Variants in CRADD observed in about 807,000 individuals in gnomAD.
The protein encoded by CRADD is death domain-containing protein CRADD.
Under a neutral mutation model 15.5 loss-of-function variants are expected in CRADD, and 9 were observed. That is an observed-to-expected ratio of 0.58 (90% CI 0.35 to 1.01). CRADD has a LOEUF of 1.01. Ranked by LOEUF, CRADD falls within the 50% of genes least tolerant of loss-of-function variation. The pLI, the probability that CRADD is intolerant of heterozygous loss-of-function variation, is 0.02. For synonymous variants in CRADD, 118 were observed against 107.6 expected, an observed-to-expected ratio of 1.10 and a Z score of -0.60; for missense variants, 227 against 250.3, an observed-to-expected ratio of 0.91 and a Z score of 0.63.
intron 2 of CRADD, among the ~76,000 whole-genome samples, chr12:93,789,856 A>G (rs753556283): frequency 1.3e-5 from 2 of 152,218 alleles, no homozygotes; most frequent in Non-Finnish European, 2.9e-5. Flanking sequence ...AGCTTCTAGA[A>G]AGGAAAATCA....
downstream of CRADD, among the ~76,000 whole-genome samples, chr12:93,854,435 T>C (rs572296442): frequency 6.6e-6 from 1 of 152,350 alleles, no homozygotes; most frequent in East Asian, 1.9e-4. Flanking sequence ...TTCAAGCCTC[T>C]GTTTGCATCC....
At chr12:93,853,293 A>G (rs147755238), downstream of CRADD, among the ~76,000 whole-genome samples, 68 of 152,318 alleles carry the variant, frequency 4.5e-4, no homozygotes, top group East Asian at 0.01. Flanking sequence ...TTTCAATTTT[A>G]TTACAAGAAT....
At chr12:93,814,408 C>A (rs184272533) in intron 2 of CRADD, among the ~76,000 whole-genome samples, 1 of 152,144 alleles carries the variant, frequency 6.6e-6, no homozygotes, top group Non-Finnish European at 1.5e-5. Flanking sequence ...CCCCAGAGTA[C>A]ACAAGGTTCA....
chr12:93,747,245 G>A (rs1956766695), intron 2 of CRADD, among the ~76,000 whole-genome samples: 1 of 152,122 alleles, frequency 6.6e-6, no homozygotes, highest in Non-Finnish European at 1.5e-5. Flanking sequence ...TTTCCATCAG[G>A]CTGGAGTCAG....
At chr12:93,841,979 C>T (rs1958052849) in intron 2 of CRADD, among the ~76,000 whole-genome samples, 1 of 152,178 alleles carries the variant, frequency 6.6e-6, no homozygotes, top group African/African-American at 2.4e-5. Flanking sequence ...CCATGACCAA[C>T]CCAGTCACCG....
chr12:93,829,653 G>A lies in CRADD; in HGVS notation c.299-20317G>A, dbSNP rs541986835. ...ATGGGCTCTTTTATTTGCTTTTAGG[G>A]TCAGCTCTTTCATCAGCTCCCTAAA... On this transcript the variant is annotated intron_variant, in intron 2 of 2. Coordinates refer to ENST00000332896, the MANE Select transcript of CRADD (RefSeq NM_003805.5). Among the ~76,000 whole-genome samples, 67 of 152,132 alleles carry A rather than the reference G, an allele frequency of 4.4e-4. 1 individual carries two copies. The highest frequency in any genetic ancestry group is 2.2e-4 in the Non-Finnish European group (15 of 67,986).
intron 2 of CRADD, among the ~76,000 whole-genome samples, chr12:93,785,458 G>T (rs1473726013): frequency 1.3e-5 from 2 of 152,134 alleles, no homozygotes; most frequent in Non-Finnish European, 2.9e-5. Flanking sequence ...TGGCCTATGG[G>T]TTAGAAGTCA....
downstream of CRADD, among the ~76,000 whole-genome samples, chr12:93,855,610 A>G (rs6538456): frequency 0.27 from 41,207 of 151,746 alleles, 5,717 homozygotes; most frequent in East Asian, 0.45. Flanking sequence ...AAATAATAAC[A>G]CTGTATCTAA....
chr12:93,865,512 C>T (rs771565460), intron 2 of CRADD, among the ~76,000 whole-genome samples: 15 of 152,100 alleles, frequency 9.9e-5, no homozygotes, highest in East Asian at 3.9e-4. Flanking sequence ...TCAACCTCCT[C>T]GGCTCAGGGG....
chr12:93,741,802 T>A (rs548623732), intron 2 of CRADD, among the ~76,000 whole-genome samples: 2 of 152,308 alleles, frequency 1.3e-5, no homozygotes, highest in African/African-American at 4.8e-5. Context: ...CTCATAGCTA[T>A]GGTCAAAATA....
exon 3 of CRADD, chr12:93,894,281 G>GGGGGGC: frequency 1.9e-6 from 1 of 537,578 alleles, no homozygotes; most frequent in Non-Finnish European, 3.4e-6. Flanking sequence ...TGGGCGGGGG[G>GGGGGGC]CAGGGGATTA....
intron 2 of CRADD, among the ~76,000 whole-genome samples, chr12:93,875,180 G>A (rs1958449490): frequency 6.6e-6 from 1 of 151,776 alleles, no homozygotes; most frequent in Non-Finnish European, 1.5e-5. Flanking sequence ...GACTTTCTTT[G>A]TTTCTTCTTA....
At chr12:93,730,913 A>G (rs1206670485) in intron 2 of CRADD, among the ~76,000 whole-genome samples, 1 of 151,978 alleles carries the variant, frequency 6.6e-6, no homozygotes, top group Non-Finnish European at 1.5e-5. Context: ...ACGGGGTTTC[A>G]CCATGTTGGC....
intron 2 of CRADD, chr12:93,735,473 T>C (rs1346417389): frequency 6.6e-6 from 1 of 152,214 alleles, no homozygotes; most frequent in Admixed American, 6.5e-5. Context: ...GTCCCAGAAC[T>C]TATTTATGTT....
intron 2 of CRADD, chr12:93,837,529 A>C (rs990483505): frequency 1.3e-5 from 2 of 151,992 alleles, no homozygotes; most frequent in African/African-American, 2.4e-5. Flanking sequence ...CGGCCTCCCA[A>C]AGTGCTGGGA....
intron 2 of CRADD, among the ~76,000 whole-genome samples, chr12:93,749,475 T>C (rs932772329): frequency 1.3e-5 from 2 of 152,206 alleles, no homozygotes; most frequent in African/African-American, 4.8e-5. Context: ...CCACTTTGCC[T>C]CTCTAGTGGA....
intron 2 of CRADD, among the ~76,000 whole-genome samples, chr12:93,757,244 C>T (rs1328212047): frequency 3.9e-5 from 6 of 152,038 alleles, no homozygotes; most frequent in Admixed American, 6.6e-5. Flanking sequence ...TTCATTATGC[C>T]GAAGACCATA....
intron 2 of CRADD, among the ~76,000 whole-genome samples, chr12:93,799,050 G>A (rs1957450210): frequency 6.6e-6 from 1 of 152,018 alleles, no homozygotes; most frequent in Non-Finnish European, 1.5e-5. Context: ...AAGAGGGGGA[G>A]GGGAGAAAGG....
chr12:93,791,402 G>A (rs1367374717), intron 2 of CRADD, among the ~76,000 whole-genome samples: 1 of 152,062 alleles, frequency 6.6e-6, no homozygotes, highest in Non-Finnish European at 1.5e-5. Context: ...CAGATGTTAC[G>A]TTAAGTTAAA....
Sources: allele counts gnomAD v4.1 joint callset (sites outside exome capture counted in the v4.1 genomes callset), GRCh38; gene constraint gnomAD v4.1.1; transcripts MANE v1.5; gene names NCBI Gene and HGNC (gene_info 2026-07-23, HGNC 2026-07-21).